Variants in LRRIQ1 observed in about 807,000 individuals in gnomAD.
The protein encoded by LRRIQ1 is leucine-rich repeat- and IQ domain-containing protein 1.
A neutral mutation model predicts 211.9 loss-of-function variants in LRRIQ1; 210 were observed. The ratio of observed to expected loss-of-function variants is 0.99; its 90% CI spans 0.89 to 1.11. LRRIQ1 has a LOEUF of 1.11. Ranked by LOEUF, LRRIQ1 falls within the 50% of genes most tolerant of loss-of-function variation. The probability of loss-of-function intolerance (pLI) is 0.00; values close to 1 mark genes in which losing one functional copy is unlikely to be tolerated. For missense variants in LRRIQ1, 2,136 were observed against 1,939.5 expected, an observed-to-expected ratio of 1.10 and a Z score of -1.90; for synonymous variants, 699 against 650.1, an observed-to-expected ratio of 1.08 and a Z score of -1.14.
At chr12:85,110,514 T>G (rs149430166) in intron 15 of LRRIQ1, among the ~76,000 whole-genome samples, 3 of 152,254 alleles carry the variant, frequency 2.0e-5, no homozygotes, top group African/African-American at 7.2e-5. Flanking sequence ...ATCTAACTCA[T>G]GCAGTCTGGC....
At chr12:85,272,055 A>G in the LRRIQ1 span, among the ~76,000 whole-genome samples, 2 of 152,202 alleles carry the variant, frequency 1.3e-5, no homozygotes, top group Admixed American at 1.3e-4. Context: ...AAATAGTTGC[A>G]TGACGTACCA....
In LRRIQ1 at chr12:85,124,346, C is replaced by T. The variant is rs1204030753; in HGVS notation, c.3834C>T (p.Ser1278=). ...CTGTCTCCAGCCACTCCCCATTAAGCAAATCCGCCACATGTGAAAATATGG... is the reference window on the plus strand; with the variant it reads ...CTGTCTCCAGCCACTCCCCATTAAGTAAATCCGCCACATGTGAAAATATGG... ...MDSVSSHSPL[S]KSATCENMEG... Residue 1278 remains serine, a synonymous_variant, in exon 17 of 27, where the codon AGC becomes AGT. Coordinates refer to ENST00000393217, the MANE Select transcript of LRRIQ1 (RefSeq NM_001079910.2). The T allele has an allele frequency of 1.9e-6, 3 of 1,614,056 alleles. No individual in the cohort carries two copies. Among genetic ancestry groups the T allele is most frequent in the South Asian group, 2.2e-5 (2 of 91,084 alleles).
At chr12:85,231,157 G>A (rs892268363) in intron 25 of LRRIQ1, among the ~76,000 whole-genome samples, 5 of 151,936 alleles carry the variant, frequency 3.3e-5, no homozygotes. Flanking sequence ...CAAACAAAAA[G>A]CTATCATTAT....
At chr12:85,106,285 C>T (rs189200707) in intron 14 of LRRIQ1, among the ~76,000 whole-genome samples, 2 of 152,170 alleles carry the variant, frequency 1.3e-5, no homozygotes, top group African/African-American at 2.4e-5. Context: ...GATATGAACC[C>T]GAATTGTAAA....
At chr12:85,174,290 A>G (rs1891572285) in intron 24 of LRRIQ1, among the ~76,000 whole-genome samples, 1 of 152,038 alleles carries the variant, frequency 6.6e-6, no homozygotes, top group South Asian at 2.1e-4. Context: ...GGCAGAAGAT[A>G]TTGATAAATA....
chr12:85,050,675 A>G (rs1880196025), intron 6 of LRRIQ1, among the ~76,000 whole-genome samples: 1 of 152,110 alleles, frequency 6.6e-6, no homozygotes, highest in African/African-American at 2.4e-5. Context: ...AACTTGGGAT[A>G]TTTACTATAT....
intron 11 of LRRIQ1, among the ~76,000 whole-genome samples, chr12:85,095,315 T>C (rs1015766511): frequency 3.3e-5 from 5 of 152,192 alleles, no homozygotes; most frequent in Admixed American, 3.3e-4. Flanking sequence ...TGAGAGTTTT[T>C]ATCATTAACG....
intron 8 of LRRIQ1, among the ~76,000 whole-genome samples, chr12:85,062,093 T>C (rs1001045888): frequency 6.6e-6 from 1 of 151,884 alleles, no homozygotes; most frequent in Non-Finnish European, 1.5e-5. Flanking sequence ...TTCTAAAATT[T>C]TGTACTTTTT....
intron 24 of LRRIQ1, among the ~76,000 whole-genome samples, chr12:85,204,587 G>C (rs1331191903): frequency 6.6e-6 from 1 of 152,216 alleles, no homozygotes; most frequent in East Asian, 1.9e-4. Flanking sequence ...TGACCTAGAT[G>C]TGAGAAATGG....
intron 24 of LRRIQ1, among the ~76,000 whole-genome samples, chr12:85,228,393 C>T: frequency 6.6e-6 from 1 of 152,066 alleles, no homozygotes; most frequent in East Asian, 1.9e-4. Flanking sequence ...AGTAAGTGTT[C>T]CTCTAATTGT....
intron 15 of LRRIQ1, among the ~76,000 whole-genome samples, chr12:85,107,563 T>C (rs1565837749): frequency 6.6e-6 from 1 of 152,122 alleles, no homozygotes; most frequent in Admixed American, 6.6e-5. Flanking sequence ...GGATCTGCCA[T>C]TTTCATAAAA....
chr12:85,155,978 A>T (rs1340550469), intron 23 of LRRIQ1, among the ~76,000 whole-genome samples: 3 of 151,694 alleles, frequency 2.0e-5, no homozygotes, highest in African/African-American at 7.2e-5. Flanking sequence ...CTCTTTTATC[A>T]GTCACAAGGG....
chr12:85,152,141 C>T lies in LRRIQ1; in HGVS notation c.4330-139C>T, dbSNP rs867993940. 231 of 632,384 alleles carry T rather than the reference C, an allele frequency of 3.7e-4. 2 individuals carry two copies. The Middle Eastern group carries it at 4.2e-3, about 11-fold the overall frequency. The allele number at this position is 632,384 out of a possible 1,614,324, so 39.2% of individuals were successfully genotyped here. ...CATTAAACAGATGAATATCATCTCA[C>T]AATAGTAAGTAGAAAATTTCCTGTA... On this transcript the variant is annotated intron_variant, in intron 19 of 26. Coordinates refer to ENST00000393217, the MANE Select transcript of LRRIQ1 (RefSeq NM_001079910.2).
chr12:85,182,962 C>T (rs1478641086), intron 24 of LRRIQ1, among the ~76,000 whole-genome samples: 5 of 152,134 alleles, frequency 3.3e-5, no homozygotes, highest in African/African-American at 4.8e-5. Flanking sequence ...TTCACAACCG[C>T]GGCCTCTGAA....
chr12:85,252,399 C>T (rs550711332), intron 1 of LRRIQ1, among the ~76,000 whole-genome samples: 8 of 151,766 alleles, frequency 5.3e-5, no homozygotes, highest in Non-Finnish European at 8.8e-5. Context: ...AAATTAAAGA[C>T]GCTGAGGAAG....
chr12:85,086,512 A>G (rs1884832967), intron 11 of LRRIQ1, among the ~76,000 whole-genome samples: 1 of 152,114 alleles, frequency 6.6e-6, no homozygotes, highest in South Asian at 2.1e-4. Flanking sequence ...CCTTGCTAGG[A>G]GCCAAGCAGA....
At chr12:85,111,909 A>G (rs1168960496) in intron 15 of LRRIQ1, among the ~76,000 whole-genome samples, 1 of 150,782 alleles carries the variant, frequency 6.6e-6, no homozygotes, top group Non-Finnish European at 1.5e-5. Flanking sequence ...TATGTACCAT[A>G]TATATGTATA....
chr12:85,152,158 T>C (rs773612640), intron 19 of LRRIQ1, 122 bp from the exon 20 acceptor site: 20 of 728,512 alleles, frequency 2.7e-5, no homozygotes, highest in Non-Finnish European at 4.0e-5. Flanking sequence ...AAGTAGAAAA[T>C]TTCCTGTAAA....
intron 1 of LRRIQ1, among the ~76,000 whole-genome samples, chr12:85,252,871 C>G (rs535542524): frequency 6.6e-6 from 1 of 151,980 alleles, no homozygotes; most frequent in Non-Finnish European, 1.5e-5. Context: ...ATATTGAGCA[C>G]TATTATATAT....
Sources: allele counts gnomAD v4.1 joint callset (sites outside exome capture counted in the v4.1 genomes callset), GRCh38; gene constraint gnomAD v4.1.1; transcripts MANE v1.5; gene names NCBI Gene and HGNC (gene_info 2026-07-23, HGNC 2026-07-21).